The following ATP13A4 variants were observed in gnomAD, a reference collection of about 807,000 sequenced individuals.
The protein encoded by ATP13A4 is probable cation-transporting ATPase 13A4.
A neutral mutation model predicts 142.5 loss-of-function variants in ATP13A4; 114 were observed. The ratio of observed to expected loss-of-function variants is 0.80; its 90% CI spans 0.69 to 0.93. The LOEUF (loss-of-function observed/expected upper bound fraction) is 0.93, where lower values mean the gene tolerates loss of function less well. ATP13A4 is among the 40% of genes least tolerant of loss of function. The pLI is 0.00. For synonymous variants in ATP13A4, 488 were observed against 514.8 expected, an observed-to-expected ratio of 0.95 and a Z score of 0.70; for missense variants, 1,392 against 1,454.0, an observed-to-expected ratio of 0.96 and a Z score of 0.69.
At chr3:193,428,090 A>G (rs183425568) in intron 25 of ATP13A4, among the ~76,000 whole-genome samples, 1 of 152,164 alleles carries the variant, frequency 6.6e-6, no homozygotes, top group Admixed American at 6.5e-5. Flanking sequence ...AAACAAATTT[A>G]CAAGAAAAAA....
chr3:193,442,146 T>C (rs1422123979), intron 19 of ATP13A4, among the ~76,000 whole-genome samples: 1 of 152,348 alleles, frequency 6.6e-6, no homozygotes, highest in South Asian at 2.1e-4. Flanking sequence ...CCACGCACTA[T>C]ATTCTTTCTC....
intron 1 of ATP13A4, chr3:193,592,985 C>T: frequency 4.2e-6 from 1 of 237,938 alleles, no homozygotes; most frequent in Non-Finnish European, 8.1e-6. Context: ...CCGTTCCCGC[C>T]CAACTCTCGC....
At chr3:193,512,715 C>A (rs145735185) in intron 2 of ATP13A4, among the ~76,000 whole-genome samples, 2 of 152,264 alleles carry the variant, frequency 1.3e-5, no homozygotes, top group East Asian at 1.9e-4. Flanking sequence ...AGTGTGTGAA[C>A]CCTGGTCTAA....
At chr3:193,566,485 T>TGGG (rs1724137621) in intron 2 of ATP13A4, among the ~76,000 whole-genome samples, 1 of 152,180 alleles carries the variant, frequency 6.6e-6, no homozygotes, top group Non-Finnish European at 1.5e-5. Context: ...CGGAACCTTC[T>TGGG]TTGCTGGGGC....
At chr3:193,403,713 C>A in intron 29 of ATP13A4, 1 of 964,614 alleles carries the variant, frequency 1.0e-6, no homozygotes, top group Non-Finnish European at 1.2e-6. Context: ...CAAGTTATAA[C>A]TTATAATTCA....
chr3:193,517,244 G>A (rs1270592726), intron 1 of ATP13A4, among the ~76,000 whole-genome samples: 2 of 152,162 alleles, frequency 1.3e-5, no homozygotes, highest in East Asian at 1.9e-4. Flanking sequence ...TAGACGCAGA[G>A]ATAAATAAGA....
intron 2 of ATP13A4, among the ~76,000 whole-genome samples, chr3:193,578,321 ATATCTATATCTATATCTATATC>A (rs1441532294): frequency 2.6e-5 from 4 of 151,440 alleles, no homozygotes; most frequent in African/African-American, 9.8e-5. Flanking sequence ...ATCTATATCT[ATATCTATATCTATATCTATATC>A]TATCTATCTA....
chr3:193,465,967 T>C (rs1373529512), intron 11 of ATP13A4, 58 bp downstream of exon 11: 1 of 1,602,158 alleles, frequency 6.2e-7, no homozygotes. Context: ...ACATGCACAG[T>C]ACAAAATATA....
intron 29 of ATP13A4, among the ~76,000 whole-genome samples, 200 bp downstream of exon 29, chr3:193,407,113 T>C (rs1225926445): frequency 3.3e-5 from 5 of 152,174 alleles, no homozygotes; most frequent in African/African-American, 1.2e-4. Flanking sequence ...TCCCCCGCCC[T>C]ACTTGACAGA....
chr3:193,481,677 A>G (rs1294752665), intron 8 of ATP13A4, among the ~76,000 whole-genome samples: 6 of 152,310 alleles, frequency 3.9e-5, no homozygotes, highest in Middle Eastern at 3.4e-3. Flanking sequence ...ATTTGTTCCC[A>G]CTGCATGACT....
chr3:193,447,393 T>C (rs1717018550), intron 18 of ATP13A4, among the ~76,000 whole-genome samples: 2 of 152,112 alleles, frequency 1.3e-5, no homozygotes, highest in Admixed American at 1.3e-4. Flanking sequence ...ATTCTAGAGT[T>C]TGCAACTGTA....
At chr3:193,500,476 T>C (rs552549052) in intron 3 of ATP13A4, among the ~76,000 whole-genome samples, 43 of 152,222 alleles carry the variant, frequency 2.8e-4, no homozygotes, top group African/African-American at 1.0e-3. Flanking sequence ...GAAGAGAATT[T>C]TTTCACGAAT....
chr3:193,481,570 A>G (rs1719295648), intron 8 of ATP13A4, among the ~76,000 whole-genome samples: 1 of 152,188 alleles, frequency 6.6e-6, no homozygotes, highest in Non-Finnish European at 1.5e-5. Context: ...ATTTTTTAAA[A>G]CAGAGCTACA....
In ATP13A4 at chr3:193,402,814, G is replaced by A. The variant is rs117452828; in HGVS notation, c.3429C>T (p.Phe1143=). 84 of 1,614,074 alleles carry A rather than the reference G, an allele frequency of 5.2e-5. 1 individual carries two copies. Among genetic ancestry groups the A allele is most frequent in the South Asian group, 1.5e-4 (14 of 91,080 alleles). The change falls in exon 30 of 30, where the codon TTC becomes TTT. Residue 1143 remains phenylalanine (F), a synonymous_variant. Transcript: ENST00000342695. ...RALWMMIKRC[F]GYQSKSQYRI... is the part of the protein sequence containing the mutation. ...GATACTGGCTTTTTGACTGATAGCC[G>A]AAACATCTTTTAATCATCATCCACA...
chr3:193,452,684 A>C (rs1717350722), intron 17 of ATP13A4, among the ~76,000 whole-genome samples: 1 of 150,380 alleles, frequency 6.6e-6, no homozygotes, highest in Non-Finnish European at 1.5e-5. Flanking sequence ...ACATTCATGA[A>C]CACTGAAAAA....
At chr3:193,573,272 T>TATATATATATAC (rs1724311657) in intron 2 of ATP13A4, among the ~76,000 whole-genome samples, 1 of 94,494 alleles carries the variant, frequency 1.1e-5, no homozygotes, top group African/African-American at 5.1e-5. Context: ...TATATATATA[T>TATATATATATAC]ATACATATAT....
At chr3:193,565,567 T>C (rs1724115193) in intron 2 of ATP13A4, among the ~76,000 whole-genome samples, 2 of 152,158 alleles carry the variant, frequency 1.3e-5, no homozygotes, top group African/African-American at 4.8e-5. Flanking sequence ...TGCTACTCAA[T>C]TAAGAGAAAA....
chr3:193,563,703 T>A (rs554547642), intron 2 of ATP13A4, among the ~76,000 whole-genome samples: 1 of 152,252 alleles, frequency 6.6e-6, no homozygotes, highest in Non-Finnish European at 1.5e-5. Flanking sequence ...AATATATACC[T>A]AAAATGTTGT....
chr3:193,430,369 G>T (rs1715904348), intron 25 of ATP13A4, among the ~76,000 whole-genome samples: 1 of 152,014 alleles, frequency 6.6e-6, no homozygotes, highest in Non-Finnish European at 1.5e-5. Context: ...AGAAGTATTG[G>T]GATTACAGCA....
Sources: allele counts gnomAD v4.1 joint callset (sites outside exome capture counted in the v4.1 genomes callset), GRCh38; gene constraint gnomAD v4.1.1; transcripts MANE v1.5; gene names NCBI Gene and HGNC (gene_info 2026-07-23, HGNC 2026-07-21).